CLMP: variants seen among roughly 807,000 people sequenced by gnomAD.
CLMP encodes the protein CXADR-like membrane protein.
A neutral mutation model predicts 45.2 loss-of-function variants in CLMP; 27 were observed. The ratio of observed to expected loss-of-function variants is 0.60; its 90% confidence interval spans 0.44 to 0.82. The LOEUF (loss-of-function observed/expected upper bound fraction) is 0.82. Among genes scored for constraint, CLMP ranks in the 40% least tolerant of loss-of-function variants. CLMP has a pLI of 0.00. For missense variants in CLMP, 403 were observed against 448.4 expected, an observed-to-expected ratio of 0.90 and a Z score of 0.91; for synonymous variants, 167 against 171.4, an observed-to-expected ratio of 0.97 and a Z score of 0.20.
chr11:123,131,104 A>T (rs143947829), intron 1 of CLMP, among the ~76,000 whole-genome samples: 2,350 of 152,206 alleles, frequency 0.015, 55 homozygotes, highest in African/African-American at 0.053. Flanking sequence ...TGGGCTCTTA[A>T]AGTGCTGGGA....
At chr11:123,166,857 G>A (rs747859608) in intron 1 of CLMP, among the ~76,000 whole-genome samples, 2 of 151,982 alleles carry the variant, frequency 1.3e-5, no homozygotes, top group East Asian at 1.9e-4. Flanking sequence ...TGATCGTTAC[G>A]TATCATATAC....
At chr11:123,109,694 A>T (rs1286752456) in intron 1 of CLMP, among the ~76,000 whole-genome samples, 1 of 152,212 alleles carries the variant, frequency 6.6e-6, no homozygotes, top group East Asian at 1.9e-4. Flanking sequence ...TCAGTGAGAC[A>T]CAAGTCCAGG....
chr11:123,098,473 C>A (rs1866016045), intron 1 of CLMP, among the ~76,000 whole-genome samples: 1 of 151,890 alleles, frequency 6.6e-6, no homozygotes. Context: ...GGTGATCCAC[C>A]CGCCTTGGTC....
At chr11:123,165,106 G>C (rs529192613) in intron 1 of CLMP, among the ~76,000 whole-genome samples, 1 of 152,320 alleles carries the variant, frequency 6.6e-6, no homozygotes, top group African/African-American at 2.4e-5. Flanking sequence ...CTTCAGACCA[G>C]AGACAACTTT....
chr11:123,127,173 GT>G (rs1453841821), intron 1 of CLMP, among the ~76,000 whole-genome samples: 1 of 151,972 alleles, frequency 6.6e-6, no homozygotes, highest in Non-Finnish European at 1.5e-5. Context: ...CCAGGCTGGA[GT>G]GCAGTGGCGT....
rs1389564095 is a variant in CLMP, at chr11:123,092,429, C to G, written c.186+5366G>C. 3.9e-5 allele frequency among the ~76,000 whole-genome samples: 6 copies of G among 152,202 alleles called. No homozygotes were observed. The South Asian group carries it at 1.2e-3, about 31-fold the overall frequency. ...TCTTCTGCCTCAGCCTCTCGAGTAGCTGGGACTACAGGCACACACCACCAC... is the reference window on the plus strand; with the variant it reads ...TCTTCTGCCTCAGCCTCTCGAGTAGGTGGGACTACAGGCACACACCACCAC... On this transcript the variant is annotated intron_variant, in intron 2 of 6. Transcript: ENST00000448775.
intron 1 of CLMP, among the ~76,000 whole-genome samples, chr11:123,121,563 G>T (rs1860819070): frequency 6.6e-6 from 1 of 152,138 alleles, no homozygotes; most frequent in Non-Finnish European, 1.5e-5. Flanking sequence ...CTCCCAAAGT[G>T]CTGGGATTAC....
intron 2 of CLMP, among the ~76,000 whole-genome samples, chr11:123,088,105 T>A (rs966056999): frequency 5.3e-5 from 8 of 151,962 alleles, no homozygotes; most frequent in African/African-American, 1.9e-4. Flanking sequence ...AGATGGGGTT[T>A]CTCCACGTTG....
chr11:123,101,172 G>A (rs1471702546), intron 1 of CLMP, among the ~76,000 whole-genome samples: 2 of 152,178 alleles, frequency 1.3e-5, no homozygotes, highest in African/African-American at 2.4e-5. Flanking sequence ...GCAGTGGCGC[G>A]ATCTCAGCTC....
Position 123,195,080 on chromosome 11 carries a change from G to T in CLMP, c.-140C>A, listed in dbSNP as rs1861963663. 9.3e-6 allele frequency: 6 copies of T among 648,402 alleles called. No individual in the cohort carries two copies. Among genetic ancestry groups the T allele is most frequent in the Admixed American group, 4.7e-5 (1 of 21,148 alleles). 40.2% of individuals were successfully genotyped at this position (648,402 alleles called of 1,614,324 possible). A position where few individuals can be genotyped will look rare whatever the true frequency, so the allele number is the denominator to read the frequency against. On this transcript the variant is annotated 5_prime_UTR_variant, in exon 1 of 7. Transcript: ENST00000448775. The stretch of plus-strand genomic sequence containing the variant: ...GGTGGCTGCAGCCATGTGCCGGGCG[G>T]GAGCCGGCCCCGCGCCCCGTGCCCC...
chr11:123,102,280 T>A (rs1860455012), intron 1 of CLMP, among the ~76,000 whole-genome samples: 1 of 71,490 alleles, frequency 1.4e-5, no homozygotes, highest in Non-Finnish European at 3.0e-5. Flanking sequence ...TCTTTCCAGG[T>A]TTTTTTTTTT....
intron 1 of CLMP, among the ~76,000 whole-genome samples, chr11:123,129,945 G>C (rs7931136): frequency 0.13 from 20,114 of 149,846 alleles, 1,688 homozygotes; most frequent in African/African-American, 0.22. Context: ...GGCTCCAGAC[G>C]TAAGAAACTA....
intron 1 of CLMP, among the ~76,000 whole-genome samples, chr11:123,169,752 T>C (rs1420832470): frequency 6.6e-6 from 1 of 152,206 alleles, no homozygotes; most frequent in Non-Finnish European, 1.5e-5. Flanking sequence ...AGCTTGGTTT[T>C]ATCATTTTAG....
chr11:123,170,265 C>A (rs1420539080), intron 1 of CLMP, among the ~76,000 whole-genome samples: 1 of 152,076 alleles, frequency 6.6e-6, no homozygotes, highest in Non-Finnish European at 1.5e-5. Flanking sequence ...CCACATTATA[C>A]AGGGTTAAAT....
chr11:123,191,335 G>A (rs192312480), intron 1 of CLMP: 29 of 152,238 alleles, frequency 1.9e-4, no homozygotes, highest in Admixed American at 5.2e-4. Context: ...GGAATATATC[G>A]TTATTATGAC....
At chr11:123,157,339 G>A (rs1246985685) in intron 1 of CLMP, among the ~76,000 whole-genome samples, 3 of 152,060 alleles carry the variant, frequency 2.0e-5, no homozygotes, top group Non-Finnish European at 4.4e-5. Context: ...TGGATCACTT[G>A]AGGTCAGGAA....
intron 1 of CLMP, among the ~76,000 whole-genome samples, chr11:123,123,627 T>TC (rs1860850226): frequency 6.6e-6 from 1 of 152,108 alleles, no homozygotes; most frequent in South Asian, 2.1e-4. Flanking sequence ...CAGGCAGATT[T>TC]CCTTCACCAT....
chr11:123,128,039 A>AAAAAAC (rs1565390844), intron 1 of CLMP, among the ~76,000 whole-genome samples: 1 of 151,246 alleles, frequency 6.6e-6, no homozygotes, highest in Non-Finnish European at 1.5e-5. Flanking sequence ...CTGTCTCAAA[A>AAAAAAC]AAAAAAAAAA....
chr11:123,127,765 G>A (rs530771822), intron 1 of CLMP, among the ~76,000 whole-genome samples: 3 of 152,158 alleles, frequency 2.0e-5, no homozygotes, highest in East Asian at 1.9e-4. Context: ...GGCCGGGCAC[G>A]GTGGCTCACG....
Sources: allele counts gnomAD v4.1 joint callset (sites outside exome capture counted in the v4.1 genomes callset), GRCh38; gene constraint gnomAD v4.1.1; transcripts MANE v1.5; gene names NCBI Gene and HGNC (gene_info 2026-07-23, HGNC 2026-07-21).